Variants in ARHGEF10 observed in about 807,000 individuals in gnomAD.
The protein encoded by ARHGEF10 is Rho guanine nucleotide exchange factor 10.
In ARHGEF10, 140 loss-of-function variants were observed where a neutral mutation model predicts 147.4. That is an observed-to-expected ratio of 0.95 (90% CI 0.83 to 1.09). ARHGEF10 has a LOEUF of 1.09. Ranked by LOEUF, ARHGEF10 falls within the 50% of genes least tolerant of loss-of-function variation. The probability of loss-of-function intolerance (pLI) is 0.00; values close to 1 mark genes in which losing one functional copy is unlikely to be tolerated. For missense variants in ARHGEF10, 2,222 were observed against 1,752.7 expected, an observed-to-expected ratio of 1.27 and a Z score of -4.78; for synonymous variants, 902 against 695.8, an observed-to-expected ratio of 1.30 and a Z score of -4.67.
chr8:1,830,775 A>T (rs1249438117), intron 1 of ARHGEF10, among the ~76,000 whole-genome samples: 1 of 152,084 alleles, frequency 6.6e-6, no homozygotes, highest in Non-Finnish European at 1.5e-5. Context: ...AAGGTGGAGA[A>T]ATAAGGCATA....
At position 1,923,088 on chromosome 8, in the gene ARHGEF10, T is replaced by G; in HGVS notation, c.2259+9T>G. 1.3e-6 allele frequency: 2 copies of G among 1,562,028 alleles called. No homozygotes were observed. The highest frequency in any genetic ancestry group is 2.2e-5 in the South Asian group (2 of 89,946). ...TTAAAGGAAACTATCAGGTAACAAT[T>G]GAAGCAATTGGATTTAAGATTCTGC... On this transcript the variant is annotated intron_variant, in intron 19 of 28. Transcript: ENST00000349830.
intron 5 of ARHGEF10, among the ~76,000 whole-genome samples, chr8:1,865,437 G>T (rs1405201709): frequency 6.7e-6 from 1 of 149,190 alleles, no homozygotes; most frequent in African/African-American, 2.5e-5. Flanking sequence ...AGCACCCAGG[G>T]GGCCATCACC....
At chr8:1,900,913 TG>T (rs1810400107) in intron 15 of ARHGEF10, among the ~76,000 whole-genome samples, 1 of 152,114 alleles carries the variant, frequency 6.6e-6, no homozygotes, top group African/African-American at 2.4e-5. Flanking sequence ...AAGGAGAAAA[TG>T]GTCTTTGCCT....
chr8:1,930,865 C>T (rs891299910), intron 25 of ARHGEF10, among the ~76,000 whole-genome samples: 2 of 152,242 alleles, frequency 1.3e-5, no homozygotes, highest in Admixed American at 6.5e-5. Context: ...GCTCCTGTCT[C>T]GTCCCTCAGC....
In ARHGEF10 at chr8:1,876,731, G is replaced by A; in HGVS notation, c.840G>A (p.Lys280=). 1 of 1,614,140 alleles carries A rather than the reference G, an allele frequency of 6.2e-7. No homozygotes were observed. Among genetic ancestry groups the A allele is most frequent in the Non-Finnish European group, 8.5e-7 (1 of 1,180,014 alleles). ...PRSFLRSNHK[K]QLSHDLTRLK... is the part of the protein sequence containing the mutation. ...CCTTCCTGCGCAGCAACCACAAAAAGCAAGTACGTGTTCCCTGCACATGTG... is the reference window on the plus strand; with the variant it reads ...CCTTCCTGCGCAGCAACCACAAAAAACAAGTACGTGTTCCCTGCACATGTG... The change falls in exon 8 of 29, where the codon AAG becomes AAA. Residue 280 remains lysine, a synonymous_variant. Coordinates refer to ENST00000349830, the MANE Select transcript of ARHGEF10 (RefSeq NM_014629.4).
At chr8:1,845,002 G>A (rs1333226989) in intron 2 of ARHGEF10, among the ~76,000 whole-genome samples, 2 of 152,200 alleles carry the variant, frequency 1.3e-5, no homozygotes, top group African/African-American at 4.8e-5. Context: ...AGTTATGCAT[G>A]ATGGTGCATG....
intron 11 of ARHGEF10, among the ~76,000 whole-genome samples, chr8:1,891,133 C>A (rs185431073): frequency 6.6e-6 from 1 of 152,150 alleles, no homozygotes; most frequent in African/African-American, 2.4e-5. Flanking sequence ...AGCACAGTGC[C>A]GTCACTTTCA....
At chr8:1,836,206 A>C (rs956110512) in intron 1 of ARHGEF10, among the ~76,000 whole-genome samples, 6 of 151,798 alleles carry the variant, frequency 4.0e-5, no homozygotes, top group East Asian at 3.9e-4. Context: ...AAAAAAAAAA[A>C]CACAATCCAA....
intron 18 of ARHGEF10, among the ~76,000 whole-genome samples, chr8:1,917,710 T>C (rs1241548366): frequency 6.6e-6 from 1 of 152,236 alleles, no homozygotes; most frequent in Non-Finnish European, 1.5e-5. Context: ...AACTGTCAGC[T>C]AGAGGGCTGG....
chr8:1,941,406 T>G (rs1345330783), intron 26 of ARHGEF10, among the ~76,000 whole-genome samples: 1 of 152,152 alleles, frequency 6.6e-6, no homozygotes, highest in African/African-American at 2.4e-5. Flanking sequence ...AATCAAAAAG[T>G]GCAAGATTTA....
chr8:1,911,746 G>T (rs1236645979), intron 18 of ARHGEF10, among the ~76,000 whole-genome samples: 3 of 152,144 alleles, frequency 2.0e-5, no homozygotes, highest in Non-Finnish European at 4.4e-5. Flanking sequence ...GCTGCAGCCG[G>T]TGAATGACGT....
At chr8:1,838,676 A>G (rs1385230459) in intron 1 of ARHGEF10, among the ~76,000 whole-genome samples, 1 of 152,270 alleles carries the variant, frequency 6.6e-6, no homozygotes, top group Non-Finnish European at 1.5e-5. Flanking sequence ...CTCTCTGTCC[A>G]TGGGATCCGA....
At chr8:1,898,981 A>G (rs1810244029) in intron 15 of ARHGEF10, among the ~76,000 whole-genome samples, 1 of 152,218 alleles carries the variant, frequency 6.6e-6, no homozygotes, top group African/African-American at 2.4e-5. Context: ...ATAGATTTAA[A>G]CAAAACATAC....
At chr8:1,942,603 G>A (rs1814192956) in intron 26 of ARHGEF10, among the ~76,000 whole-genome samples, 2 of 152,170 alleles carry the variant, frequency 1.3e-5, no homozygotes, top group Non-Finnish European at 1.5e-5. Context: ...AGTCGTAGGT[G>A]TAGATTCAGA....
intron 15 of ARHGEF10, among the ~76,000 whole-genome samples, chr8:1,899,210 C>T (rs190998914): frequency 1.3e-5 from 2 of 152,326 alleles, no homozygotes; most frequent in East Asian, 1.9e-4. Flanking sequence ...GTTTTCCGAC[C>T]TTCCCACATA....
At position 1,869,461 on chromosome 8, in the gene ARHGEF10, A is replaced by G. The variant is rs991089497; in HGVS notation, c.679+211A>G. On this transcript the variant is annotated intron_variant, in intron 7 of 28. Transcript: ENST00000349830. ...ATAACCCTTGAAATAGGGCAGTTTAATCTTACTTATCCCAAGCAAACAGAG... is the reference window on the plus strand; with the variant it reads ...ATAACCCTTGAAATAGGGCAGTTTAGTCTTACTTATCCCAAGCAAACAGAG... 5.9e-6 allele frequency: 4 copies of G among 683,392 alleles called. No homozygotes were observed. In the Admixed American group the frequency reaches 8.2e-5, roughly 14 times the overall value. The allele number at this position is 683,392 out of a possible 1,614,324, so 42.3% of individuals were successfully genotyped here.
chr8:1,857,894 C>G (rs1041987114), intron 2 of ARHGEF10, 66 bp from the exon 3 acceptor site: 3 of 1,105,578 alleles, frequency 2.7e-6, no homozygotes, highest in Non-Finnish European at 2.7e-6. Flanking sequence ...ATCTATCTAT[C>G]TATCTATCTA....
At chr8:1,839,211 G>GGAAGCTGTCCGATAT (rs1803784477) in intron 1 of ARHGEF10, among the ~76,000 whole-genome samples, 1 of 149,290 alleles carries the variant, frequency 6.7e-6, no homozygotes, top group Admixed American at 6.7e-5. Context: ...TGTTTTGTGT[G>GGAAGCTGTCCGATAT]GGGACTGCCT....
chr8:1,926,777 G>A lies in ARHGEF10; in HGVS notation c.2697+314G>A, dbSNP rs1812725371. 13 of 384,098 alleles carry A rather than the reference G, an allele frequency of 3.4e-5. No individual in the cohort carries two copies. In the South Asian group the frequency reaches 3.4e-4, roughly 10 times the overall value. The allele number at this position is 384,098 out of a possible 1,614,324, so 23.8% of individuals were successfully genotyped here. A position where few individuals can be genotyped will look rare whatever the true frequency, so the allele number is the denominator to read the frequency against. Reference sequence around the variant, plus strand: ...GTTTTTCCATTTTGGTGTCAACATTGCATGGATTTTTTTTCTTGTTCCAAG... The same window carrying A: ...GTTTTTCCATTTTGGTGTCAACATTACATGGATTTTTTTTCTTGTTCCAAG... On this transcript the variant is annotated intron_variant, in intron 23 of 28. Transcript: ENST00000349830.
Sources: allele counts gnomAD v4.1 joint callset (sites outside exome capture counted in the v4.1 genomes callset), GRCh38; gene constraint gnomAD v4.1.1; transcripts MANE v1.5; gene names NCBI Gene and HGNC (gene_info 2026-07-23, HGNC 2026-07-21).